Variants in TMEM163 observed in about 807,000 individuals in gnomAD.
TMEM163 encodes the protein transmembrane protein 163.
A neutral mutation model predicts 29.3 loss-of-function variants in TMEM163; 17 were observed. The observed-to-expected ratio is 0.58, with a 90% CI of 0.40 to 0.87. TMEM163 has a LOEUF of 0.87. Among genes scored for constraint, TMEM163 ranks in the 40% least tolerant of loss-of-function variants. TMEM163 has a pLI of 0.00. For synonymous variants in TMEM163, 157 were observed against 160.6 expected, an observed-to-expected ratio of 0.98 and a Z score of 0.17; for missense variants, 303 against 381.5, an observed-to-expected ratio of 0.79 and a Z score of 1.71.
intron 5 of TMEM163, among the ~76,000 whole-genome samples, chr2:134,477,456 G>A (rs1336786144): frequency 2.0e-5 from 3 of 152,178 alleles, no homozygotes; most frequent in Non-Finnish European, 2.9e-5. Context: ...GGAACCGTCA[G>A]TTTGCTAACC....
intron 2 of TMEM163, among the ~76,000 whole-genome samples, chr2:134,644,026 C>A (rs995680266): frequency 7.2e-5 from 11 of 151,796 alleles, no homozygotes; most frequent in Non-Finnish European, 1.0e-4. Flanking sequence ...ACAATAGTTC[C>A]AAAACATTAA....
intron 4 of TMEM163, among the ~76,000 whole-genome samples, chr2:134,544,907 C>G (rs1680746443): frequency 6.6e-6 from 1 of 152,306 alleles, no homozygotes; most frequent in East Asian, 1.9e-4. Context: ...ATACAGAACA[C>G]AGCCATCGCC....
At chr2:134,552,445 T>C (rs1033804057) in intron 2 of TMEM163, among the ~76,000 whole-genome samples, 1 of 151,912 alleles carries the variant, frequency 6.6e-6, no homozygotes, top group Non-Finnish European at 1.5e-5. Context: ...CCCAAACTGT[T>C]CCCATAATAA....
At chr2:134,705,909 G>A (rs1309049809) in intron 2 of TMEM163, among the ~76,000 whole-genome samples, 1 of 152,222 alleles carries the variant, frequency 6.6e-6, no homozygotes. Flanking sequence ...AGCATGAGAT[G>A]AGCCCACCTG....
chr2:134,671,430 C>T (rs1218186817), intron 2 of TMEM163, among the ~76,000 whole-genome samples: 1 of 152,152 alleles, frequency 6.6e-6, no homozygotes, highest in Non-Finnish European at 1.5e-5. Context: ...CCTCCCTCTC[C>T]CATGTCTGGC....
At chr2:134,577,585 C>T (rs1681587242) in intron 2 of TMEM163, among the ~76,000 whole-genome samples, 2 of 152,132 alleles carry the variant, frequency 1.3e-5, no homozygotes, top group South Asian at 2.1e-4. Flanking sequence ...AGGTGCAGGG[C>T]CAGGAGAGAG....
At chr2:134,699,833 G>A (rs1184799525) in intron 2 of TMEM163, among the ~76,000 whole-genome samples, 1 of 152,000 alleles carries the variant, frequency 6.6e-6, no homozygotes, top group African/African-American at 2.4e-5. Flanking sequence ...TTTATCTTCT[G>A]GGTGGTTGGA....
At chr2:134,592,173 A>G (rs569955861) in intron 2 of TMEM163, among the ~76,000 whole-genome samples, 12 of 152,310 alleles carry the variant, frequency 7.9e-5, no homozygotes, top group African/African-American at 1.9e-4. Flanking sequence ...TTGAGTTAAG[A>G]TAAGTGGGGA....
chr2:134,635,241 T>C (rs1309433302), intron 2 of TMEM163, among the ~76,000 whole-genome samples: 1 of 152,202 alleles, frequency 6.6e-6, no homozygotes, highest in Non-Finnish European at 1.5e-5. Flanking sequence ...AGAACAGGAA[T>C]ACTACAACCT....
intron 2 of TMEM163, among the ~76,000 whole-genome samples, chr2:134,592,958 T>A (rs1313933214): frequency 6.6e-6 from 1 of 152,162 alleles, no homozygotes; most frequent in Non-Finnish European, 1.5e-5. Flanking sequence ...TCTATTCTCA[T>A]AGTGCTCTAC....
intron 4 of TMEM163, among the ~76,000 whole-genome samples, chr2:134,519,950 T>A (rs999133732): frequency 2.0e-5 from 3 of 149,588 alleles, no homozygotes; most frequent in Non-Finnish European, 4.4e-5. Context: ...AGCAGATGAA[T>A]GTGGGGGAGG....
chr2:134,663,998 A>C (rs1188138061), intron 2 of TMEM163, among the ~76,000 whole-genome samples: 2 of 152,230 alleles, frequency 1.3e-5, no homozygotes. Context: ...AAAGGACCCA[A>C]GTCAAATGTC....
intron 2 of TMEM163, among the ~76,000 whole-genome samples, chr2:134,626,136 G>T (rs148311387): frequency 0.019 from 2,177 of 115,472 alleles, 62 homozygotes; most frequent in African/African-American, 0.068. Context: ...ACAGAGTCTC[G>T]CTCTGTCGCT....
chr2:134,609,094 G>T (rs1188815344), intron 2 of TMEM163, among the ~76,000 whole-genome samples: 5 of 63,856 alleles, frequency 7.8e-5, no homozygotes, highest in Admixed American at 1.4e-4. Context: ...GTGAAAAGGA[G>T]GACAGACCCC....
chr2:134,460,084 C>G lies in TMEM163; in HGVS notation c.668-1911G>C, dbSNP rs1173570500. On this transcript the variant is annotated intron_variant, in intron 6 of 7. Transcript: ENST00000281924. The surrounding 1 kb of genome is among the most constrained non-coding windows in gnomAD (Gnocchi z 4.3). ...CCCCTTGCCAGATGTTACCCCCCCC[C>G]AAATTCATTCTCACTCTCCCCGCTG... Among the ~76,000 whole-genome samples, 1 of 140,282 alleles carries G rather than the reference C, an allele frequency of 7.1e-6. No homozygotes were observed. The highest frequency in any genetic ancestry group is 7.0e-5 in the Admixed American group (1 of 14,344). 92.0% of individuals were successfully genotyped at this position (140,282 alleles called of 152,430 possible).
At chr2:134,634,136 T>C (rs568431346) in intron 2 of TMEM163, among the ~76,000 whole-genome samples, 10 of 151,462 alleles carry the variant, frequency 6.6e-5, no homozygotes, top group Non-Finnish European at 1.5e-4. Flanking sequence ...GCAGCAAAAG[T>C]TCAAGTATGA....
intron 2 of TMEM163, among the ~76,000 whole-genome samples, chr2:134,705,055 C>CAAAAACTA (rs1684778477): frequency 6.6e-6 from 1 of 151,928 alleles, no homozygotes; most frequent in Non-Finnish European, 1.5e-5. Context: ...ACTAAAAATA[C>CAAAAACTA]AAAAACTAGC....
intron 2 of TMEM163, among the ~76,000 whole-genome samples, chr2:134,644,303 A>G (rs1048616206): frequency 6.6e-6 from 1 of 152,134 alleles, no homozygotes; most frequent in Non-Finnish European, 1.5e-5. Flanking sequence ...TAGAACAACT[A>G]AAACGATGTT....
chr2:134,581,462 G>T (rs1381183025), intron 2 of TMEM163, among the ~76,000 whole-genome samples: 1 of 152,200 alleles, frequency 6.6e-6, no homozygotes, highest in Non-Finnish European at 1.5e-5. Flanking sequence ...GAGAGAAATT[G>T]AATGTCAACA....
Sources: gnomAD v4.1 joint callset for allele counts (sites outside exome capture counted in the v4.1 genomes callset) on GRCh38, gnomAD v4.1.1 for gene constraint, Gnocchi (gnomAD v3.1) non-coding constraint, MANE v1.5 for transcripts, NCBI Gene and HGNC (gene_info 2026-07-23, HGNC 2026-07-21) for gene names.